The following TTC28 variants were observed in gnomAD, a reference collection of about 807,000 sequenced individuals.
TTC28 encodes tetratricopeptide repeat protein 28.
In TTC28, 61 loss-of-function variants were observed where a neutral mutation model predicts 198.0. That is an observed-to-expected ratio of 0.31 (90% CI 0.25 to 0.38). The LOEUF is 0.38. TTC28 is among the 10% of genes least tolerant of loss of function. The pLI is 1.00. For missense variants in TTC28, 2,678 were observed against 3,164.0 expected (o/e 0.85, Z 3.69); for synonymous variants, 1,171 against 1,297.8 (o/e 0.90, Z 2.10).
intron 2 of TTC28, among the ~76,000 whole-genome samples, chr22:28,592,943 T>C (rs2050460459): frequency 1.3e-5 from 2 of 152,202 alleles, no homozygotes; most frequent in African/African-American, 2.4e-5. Context: ...GTCTCCTCTA[T>C]ATTTCCCAGA....
intron 2 of TTC28, among the ~76,000 whole-genome samples, chr22:28,420,473 C>CT: frequency 6.8e-6 from 1 of 147,152 alleles, no homozygotes; most frequent in South Asian, 2.1e-4. Flanking sequence ...ACCATGTAAG[C>CT]TTTAACTCTT....
intron 12 of TTC28, among the ~76,000 whole-genome samples, chr22:28,070,397 C>T (rs1464984115): frequency 6.6e-6 from 1 of 152,176 alleles, no homozygotes; most frequent in Admixed American, 6.6e-5. Flanking sequence ...AAAAGTAAGA[C>T]TACTCAAGCC....
At chr22:28,380,780 C>G (rs1271654344) in intron 2 of TTC28, among the ~76,000 whole-genome samples, 1 of 152,106 alleles carries the variant, frequency 6.6e-6, no homozygotes, top group Non-Finnish European at 1.5e-5. Flanking sequence ...CATGGATTAT[C>G]TGATAATCTA....
intron 2 of TTC28, among the ~76,000 whole-genome samples, chr22:28,489,024 C>T (rs1220951109): frequency 6.6e-6 from 1 of 152,132 alleles, no homozygotes; most frequent in East Asian, 1.9e-4. Context: ...TAGCTCATGC[C>T]TGTAATCCCA....
chr22:28,607,619 TTA>T (rs2050754756), intron 2 of TTC28, among the ~76,000 whole-genome samples: 1 of 152,204 alleles, frequency 6.6e-6, no homozygotes, highest in Non-Finnish European at 1.5e-5. Context: ...TGCACAGATG[TTA>T]AGACTTTTGG....
intron 12 of TTC28, among the ~76,000 whole-genome samples, chr22:28,063,158 A>T (rs1403955544): frequency 6.6e-6 from 1 of 152,226 alleles, no homozygotes; most frequent in Non-Finnish European, 1.5e-5. Flanking sequence ...ATGCATAGCT[A>T]AAGTCCCATG....
chr22:28,459,979 A>G (rs1258207654), intron 2 of TTC28: 4 of 152,254 alleles, frequency 2.6e-5, no homozygotes, highest in African/African-American at 9.6e-5. Flanking sequence ...GTGCTAAATA[A>G]AAACAAATAC....
At chr22:28,534,936 T>A (rs1250853019) in intron 2 of TTC28, among the ~76,000 whole-genome samples, 1 of 151,418 alleles carries the variant, frequency 6.6e-6, no homozygotes, top group Admixed American at 6.6e-5. Flanking sequence ...GGGGCAGGGG[T>A]AGTATGAGGA....
At chr22:28,249,017 C>T (rs1326970561) in intron 5 of TTC28, among the ~76,000 whole-genome samples, 1 of 152,100 alleles carries the variant, frequency 6.6e-6, no homozygotes, top group African/African-American at 2.4e-5. Context: ...TCCTCCAAAT[C>T]CCTCGATTTG....
chr22:27,984,936 G>A (rs532582894), intron 22 of TTC28, among the ~76,000 whole-genome samples: 4 of 152,274 alleles, frequency 2.6e-5, no homozygotes, highest in African/African-American at 4.8e-5. Flanking sequence ...TGTCCGCTCC[G>A]GTCAGGCCCT....
chr22:28,248,701 T>C (rs1236472338), intron 5 of TTC28, among the ~76,000 whole-genome samples: 1 of 152,172 alleles, frequency 6.6e-6, no homozygotes, highest in African/African-American at 2.4e-5. Flanking sequence ...CTTGTAAAAC[T>C]ATAGGGCTAA....
intron 5 of TTC28, among the ~76,000 whole-genome samples, chr22:28,224,123 C>G (rs576130584): frequency 3.9e-5 from 6 of 152,102 alleles, no homozygotes; most frequent in Non-Finnish European, 8.8e-5. Context: ...GCTAATCATC[C>G]TACGATGCAC....
intron 5 of TTC28, among the ~76,000 whole-genome samples, chr22:28,257,819 C>T (rs1159181893): frequency 5.4e-5 from 7 of 129,526 alleles, no homozygotes; most frequent in Non-Finnish European, 1.6e-5. Flanking sequence ...GAAAAAACAG[C>T]TTTGTCACAT....
At chr22:28,568,168 T>C (rs938940137) in intron 2 of TTC28, among the ~76,000 whole-genome samples, 2 of 152,134 alleles carry the variant, frequency 1.3e-5, no homozygotes, top group African/African-American at 4.8e-5. Flanking sequence ...TATAATTACA[T>C]TGGGAGAATG....
At chr22:28,094,293 G>T in intron 11 of TTC28, 48 bp from the exon 12 acceptor site, 1 of 1,464,430 alleles carries the variant, frequency 6.8e-7, no homozygotes, top group Non-Finnish European at 9.1e-7. Flanking sequence ...TAGGGTCAGA[G>T]AAAGGAGAAG....
chr22:28,540,109 A>G (rs1255332454), intron 2 of TTC28, among the ~76,000 whole-genome samples: 1 of 151,748 alleles, frequency 6.6e-6, no homozygotes, highest in Non-Finnish European at 1.5e-5. Context: ...ACGCCCAGCT[A>G]ATTTTTTTGT....
intron 12 of TTC28, among the ~76,000 whole-genome samples, chr22:28,081,266 T>C (rs930502821): frequency 6.6e-6 from 1 of 151,982 alleles, no homozygotes; most frequent in Non-Finnish European, 1.5e-5. Context: ...CTGCAACCTC[T>C]GCCTTCCAGG....
chr22:28,078,012 T>C (rs1209467665), intron 12 of TTC28, among the ~76,000 whole-genome samples: 4 of 152,212 alleles, frequency 2.6e-5, no homozygotes, highest in African/African-American at 7.2e-5. Flanking sequence ...AAGATGTGTT[T>C]TGAAATTCAT....
chr22:28,376,539 T>G (rs1431682378), intron 2 of TTC28, among the ~76,000 whole-genome samples: 2 of 151,876 alleles, frequency 1.3e-5, no homozygotes, highest in African/African-American at 2.4e-5. Context: ...AGGAAAAATA[T>G]ATAAAAAAAT....
Sources: allele counts gnomAD v4.1 joint callset (sites outside exome capture counted in the v4.1 genomes callset), GRCh38; gene constraint gnomAD v4.1.1; transcripts MANE v1.5; gene names NCBI Gene and HGNC (gene_info 2026-07-23, HGNC 2026-07-21).